Variants in RNF214 observed in about 807,000 individuals in gnomAD.
RNF214 encodes the protein ring finger protein 214.
In RNF214, 25 loss-of-function variants were observed where a neutral mutation model predicts 75.9. The observed-to-expected ratio is 0.33, with a 90% CI of 0.24 to 0.46. RNF214 has a LOEUF of 0.46. Among genes scored for constraint, RNF214 ranks in the 20% least tolerant of loss-of-function variants. The probability of loss-of-function intolerance (pLI) is 1.00; values close to 1 mark genes in which losing one functional copy is unlikely to be tolerated. For missense variants in RNF214, 725 were observed against 857.5 expected (o/e 0.85, Z 1.93); for synonymous variants, 314 against 308.8 (o/e 1.02, Z -0.18).
chr11:117,246,759 AACTT>A, intron 5 of RNF214, 46 bp from the exon 6 acceptor site: 1 of 1,465,788 alleles, frequency 6.8e-7, no homozygotes, highest in Non-Finnish European at 9.1e-7. Context: ...CAAAAGAACT[AACTT>A]ATTTTCTTTT....
chr11:117,261,237 T>C (rs1454550080), intron 6 of RNF214, among the ~76,000 whole-genome samples: 3 of 152,192 alleles, frequency 2.0e-5, no homozygotes, highest in Non-Finnish European at 1.5e-5. Context: ...ATCTGAGACT[T>C]ATTAAAATGA....
rs112631098 is a variant in RNF214, at chr11:117,241,301, G to A, written c.678+1441G>A. Reference sequence around the variant, plus strand: ...GGTGGCAGTGAGCTTCTTGCTTTAGGCCGGGCACAGTGGCTCATGCTTGTA... The same window carrying A: ...GGTGGCAGTGAGCTTCTTGCTTTAGACCGGGCACAGTGGCTCATGCTTGTA... On this transcript the variant is annotated intron_variant, in intron 4 of 14. Transcript: ENST00000300650. 6.7e-3 allele frequency among the ~76,000 whole-genome samples: 1,013 copies of A among 152,056 alleles called. 16 individuals are homozygous for A. The highest frequency in any genetic ancestry group is 0.024 in the African/African-American group (977 of 41,484).
chr11:117,249,543 A>G (rs1385967293), intron 6 of RNF214, among the ~76,000 whole-genome samples: 1 of 152,208 alleles, frequency 6.6e-6, no homozygotes, highest in Non-Finnish European at 1.5e-5. Flanking sequence ...TCCATCATTC[A>G]TAGGAACCGG....
At chr11:117,248,858 A>G (rs2033298373) in intron 6 of RNF214, among the ~76,000 whole-genome samples, 1 of 152,186 alleles carries the variant, frequency 6.6e-6, no homozygotes, top group African/African-American at 2.4e-5. Flanking sequence ...AAAGTGCAGA[A>G]ACTGGGAAGA....
chr11:117,276,063 G>T (rs1327102608), intron 6 of RNF214, among the ~76,000 whole-genome samples: 1 of 152,184 alleles, frequency 6.6e-6, no homozygotes, highest in South Asian at 2.1e-4. Flanking sequence ...CTTCATCCCA[G>T]TGAGGCAAGG....
At chr11:117,248,235 C>G (rs2033281241) in intron 6 of RNF214, among the ~76,000 whole-genome samples, 1 of 152,192 alleles carries the variant, frequency 6.6e-6, no homozygotes, top group African/African-American at 2.4e-5. Flanking sequence ...GCCACCATGC[C>G]TGGCTAACAT....
At chr11:117,264,481 A>C (rs1264098978) in intron 6 of RNF214, among the ~76,000 whole-genome samples, 1 of 152,086 alleles carries the variant, frequency 6.6e-6, no homozygotes, top group Non-Finnish European at 1.5e-5. Flanking sequence ...TGGTCACCTA[A>C]AGTTGTATTT....
chr11:117,263,795 G>C, intron 6 of RNF214: 1 of 202,374 alleles, frequency 4.9e-6, no homozygotes, highest in South Asian at 7.1e-5. Flanking sequence ...AAAAATCTCT[G>C]TAATTGTCCT....
rs766696188 is a variant in RNF214 at position 117,281,428 on chromosome 11, TTCAG to T, written c.1236+30_1236+33del. The T allele has an allele frequency of 7.5e-5, 117 of 1,568,120 alleles. 2 individuals are homozygous for T. Among genetic ancestry groups the T allele is most frequent in the Middle Eastern group, 6.7e-4 (4 of 6,004 alleles). The stretch of plus-strand genomic sequence containing the variant: ...GTGTAAGTGTATCTATGAGTCATCA[TTCAG>T]TCAGTGTTAGTCTGTGCTTAACACT... On this transcript the variant is annotated intron_variant, in intron 9 of 14. Coordinates refer to ENST00000300650, the MANE Select transcript of RNF214 (RefSeq NM_207343.4).
chr11:117,266,801 C>T (rs955311251), intron 6 of RNF214, among the ~76,000 whole-genome samples: 2 of 151,116 alleles, frequency 1.3e-5, no homozygotes, highest in Non-Finnish European at 3.0e-5. Context: ...CATTTCTTTG[C>T]AATTTTTTTG....
chr11:117,283,611 A>G (rs1565350116), intron 14 of RNF214, among the ~76,000 whole-genome samples: 1 of 152,158 alleles, frequency 6.6e-6, no homozygotes, highest in African/African-American at 2.4e-5. Flanking sequence ...CGCCCATCTC[A>G]GCCTCCCAAA....
chr11:117,263,577 A>G (rs1407417902), intron 6 of RNF214, among the ~76,000 whole-genome samples: 4 of 152,208 alleles, frequency 2.6e-5, no homozygotes, highest in African/African-American at 9.7e-5. Context: ...CCCAGCAGAA[A>G]AAAAATTTTA....
chr11:117,239,008 G>T lies in RNF214; in HGVS notation c.515G>T (p.Arg172Leu). 1.2e-6 allele frequency: 2 copies of T among 1,614,126 alleles called. No homozygotes were observed. Among genetic ancestry groups the T allele is most frequent in the South Asian group, 1.1e-5 (1 of 91,078 alleles). Residue 172 changes from arginine to leucine, a missense_variant, in exon 3 of 15, where the codon CGA (arginine) becomes CTA (leucine). Arg to Leu is a moderately radical substitution (Grantham distance 102). Coordinates refer to ENST00000300650, the MANE Select transcript of RNF214 (RefSeq NM_207343.4). ...EGNRDTSLDF[R>L]PVVSPANGVE... ...AACAGGGACACAAGCTTGGATTTCC[G>T]ACCTGTAGTGTCTCCAGCAAATGGG...
chr11:117,285,709 A>C lies in RNF214; in HGVS notation c.*558A>C, dbSNP rs1383232232. 1 of 152,554 alleles carries C rather than the reference A, an allele frequency of 6.6e-6. No homozygotes were observed. 9.5% of individuals were successfully genotyped at this position (152,554 alleles called of 1,614,324 possible). A position where few individuals can be genotyped will look rare whatever the true frequency, so the allele number is the denominator to read the frequency against. ...AGTAACCCTAGTAGTTTGACTTCTT[A>C]TTGAATATTTTACTGTGTTAACGCT... On this transcript the variant is annotated 3_prime_UTR_variant, in exon 15 of 15. Transcript: ENST00000300650.
At chr11:117,244,006 G>C (rs1333554476) in intron 4 of RNF214, among the ~76,000 whole-genome samples, 4 of 152,190 alleles carry the variant, frequency 2.6e-5, no homozygotes, top group African/African-American at 9.7e-5. Context: ...TTTTGAGACA[G>C]AGTCTTGCTC....
At chr11:117,269,211 C>T (rs1047356244) in intron 6 of RNF214, among the ~76,000 whole-genome samples, 12 of 151,716 alleles carry the variant, frequency 7.9e-5, no homozygotes, top group African/African-American at 2.9e-4. Context: ...TGAGACCAGC[C>T]TAGGCAATGT....
At chr11:117,259,939 T>G (rs965241922) in intron 6 of RNF214, among the ~76,000 whole-genome samples, 21 of 152,226 alleles carry the variant, frequency 1.4e-4, no homozygotes, top group African/African-American at 5.1e-4. Flanking sequence ...TTTTCTTTTA[T>G]AGTTAGTGCT....
chr11:117,284,987 C>A, intron 14 of RNF214, 99 bp from the exon 15 acceptor site: 1 of 855,050 alleles, frequency 1.2e-6, no homozygotes, highest in Non-Finnish European at 1.9e-6. Flanking sequence ...AGTGTAAGAA[C>A]TTTTCTGACT....
intron 5 of RNF214, among the ~76,000 whole-genome samples, chr11:117,245,123 G>A (rs2033180469): frequency 6.6e-6 from 1 of 150,576 alleles, no homozygotes; most frequent in Admixed American, 6.6e-5. Flanking sequence ...GTTCGAACCA[G>A]CCTGGGCAAC....
Sources: gnomAD v4.1 joint callset for allele counts (sites outside exome capture counted in the v4.1 genomes callset) on GRCh38, gnomAD v4.1.1 for gene constraint, MANE v1.5 for transcripts, NCBI Gene and HGNC (gene_info 2026-07-23, HGNC 2026-07-21) for gene names.